Variants in GOLGA4 observed in about 807,000 individuals in gnomAD.
The protein encoded by GOLGA4 is golgin A4.
GOLGA4 carries 169 observed loss-of-function variants against 265.9 expected under a neutral mutation model. The observed-to-expected ratio is 0.64, with a 90% CI of 0.56 to 0.72. The LOEUF is 0.72. Ranked by LOEUF, GOLGA4 falls within the 30% of genes least tolerant of loss-of-function variation. The probability of loss-of-function intolerance (pLI) is 0.00; values close to 1 mark genes in which losing one functional copy is unlikely to be tolerated. For missense variants in GOLGA4, 2,482 were observed against 2,483.4 expected (o/e 1.00, Z 0.01); for synonymous variants, 923 against 855.8 (o/e 1.08, Z -1.37).
chr3:37,319,080 A>G lies in GOLGA4; in HGVS notation c.1431A>G (p.Gln477=). 6.3e-7 allele frequency: 1 copy of G among 1,597,048 alleles called. No homozygotes were observed. The change falls in exon 12 of 24, where the codon CAA becomes CAG. Residue 477 remains glutamine (Q), a synonymous_variant. Transcript: ENST00000361924. The part of the protein sequence containing the change: ...VDVMKKSSEE[Q]IAKLQKLHEK... ...ATTTTCAGAAATCCTCAGAAGAACA[A>G]ATTGCTAAGCTACAGAAGCTTCATG...
intron 20 of GOLGA4, among the ~76,000 whole-genome samples, chr3:37,344,015 A>T (rs753773185): frequency 6.6e-6 from 1 of 152,208 alleles, no homozygotes; most frequent in Non-Finnish European, 1.5e-5. Context: ...TTCTTCTATA[A>T]ATAGGAACTT....
At chr3:37,299,405 T>C in intron 9 of GOLGA4, 34 bp downstream of exon 9, 1 of 1,306,150 alleles carries the variant, frequency 7.7e-7, no homozygotes, top group Non-Finnish European at 1.1e-6. Context: ...CTAAAATTTG[T>C]CAAGAGGCCC....
Position 37,327,431 on chromosome 3 carries a change from T to A in GOLGA4, c.5545T>A (p.Cys1849Ser), listed in dbSNP as rs761542062. The A allele has an allele frequency of 8.9e-5, 143 of 1,613,082 alleles. 2 individuals are homozygous for A. In the South Asian group the frequency reaches 1.5e-3, roughly 17 times the overall value. The change falls in exon 14 of 24, where the codon TGT (cysteine) becomes AGT (serine). Residue 1849 changes from cysteine (C) to serine (S), a missense_variant. Physicochemically the swap from Cys to Ser is moderately radical, Grantham distance 112. Coordinates refer to ENST00000361924, the MANE Select transcript of GOLGA4 (RefSeq NM_002078.5). The stretch of plus-strand genomic sequence containing the variant: ...AACCCTCCAGGAGAAGGAACTAACC[T>A]GTCAGATTTTGGAGCAAAAGATAAA... Reference protein sequence around the residue: ...QKTLQEKELTCQILEQKIKEL... With the variant: ...QKTLQEKELTSQILEQKIKEL...
chr3:37,315,827 G>A (rs2096936098), intron 11 of GOLGA4, among the ~76,000 whole-genome samples: 1 of 152,138 alleles, frequency 6.6e-6, no homozygotes, highest in South Asian at 2.1e-4. Context: ...TATAAACTGA[G>A]ATGTGCCTTA....
chr3:37,260,387 C>T (rs758442243), intron 2 of GOLGA4, among the ~76,000 whole-genome samples: 1 of 150,444 alleles, frequency 6.6e-6, no homozygotes, highest in African/African-American at 2.4e-5. Flanking sequence ...CTAGGAAGGC[C>T]GAGTAGGGTG....
In GOLGA4 at chr3:37,347,274, A is replaced by G. The variant is rs781707818; in HGVS notation, c.6554A>G (p.Tyr2185Cys). Reference protein sequence around the residue: ...FEYLRKVLFEYMMGRETKTMA... With the variant: ...FEYLRKVLFECMMGRETKTMA... ...TATTTGCGAAAAGTGCTTTTTGAGT[A>G]TATGATGGGTCGTGAGACTAAGGTA... Residue 2185 changes from tyrosine to cysteine, a missense_variant, in exon 21 of 24, where the codon TAT becomes TGT. Tyr to Cys is a radical substitution (Grantham distance 194). Coordinates refer to ENST00000361924, the MANE Select transcript of GOLGA4 (RefSeq NM_002078.5). 3.7e-6 allele frequency: 6 copies of G among 1,602,564 alleles called. No homozygotes were observed. The highest frequency in any genetic ancestry group is 4.3e-6 in the Non-Finnish European group (5 of 1,169,724).
At position 37,294,960 on chromosome 3, in the gene GOLGA4, A is replaced by G; in HGVS notation, c.583-19A>G. On this transcript the variant is annotated intron_variant, in intron 5 of 23. Transcript: ENST00000361924. ...TTGTTTTATACTGAAAATTACCTGT[A>G]AATCATTTTATGTTTTAGGAGCTCC... The G allele has an allele frequency of 6.6e-7, 1 of 1,524,614 alleles. No individual in the cohort carries two copies. The highest frequency in any genetic ancestry group is 8.9e-7 in the Non-Finnish European group (1 of 1,119,282). 94.4% of individuals were successfully genotyped at this position (1,524,614 alleles called of 1,614,324 possible). A position where few individuals can be genotyped will look rare whatever the true frequency, so the allele number is the denominator to read the frequency against.
intron 9 of GOLGA4, among the ~76,000 whole-genome samples, chr3:37,301,827 C>T (rs2096893497): frequency 6.6e-6 from 1 of 151,912 alleles, no homozygotes; most frequent in Admixed American, 6.6e-5. Context: ...CTCACTCTGT[C>T]ACCCAGGCTG....
rs1001940130 is a variant in GOLGA4 at position 37,310,535 on chromosome 3, A to G, written c.1235-4885A>G. Among the ~76,000 whole-genome samples the G allele has an allele frequency of 8.5e-5, 13 of 152,300 alleles. No homozygotes were observed. In the South Asian group the frequency reaches 1.0e-3, roughly 12 times the overall value. On this transcript the variant is annotated intron_variant, in intron 10 of 23. Transcript: ENST00000361924. ...TGGATTATTGAGCTACAGATTGTCA[A>G]CCTTTCTCATTTAACCCTTATAGAG...
intron 2 of GOLGA4, among the ~76,000 whole-genome samples, chr3:37,255,740 T>TA (rs775287913): frequency 1.2e-4 from 14 of 118,120 alleles, no homozygotes; most frequent in African/African-American, 2.0e-4. Flanking sequence ...CATTTTCTTT[T>TA]AAAAAAAAGC....
At chr3:37,272,220 G>A (rs115580913) in intron 2 of GOLGA4, among the ~76,000 whole-genome samples, 2,367 of 152,140 alleles carry the variant, frequency 0.016, 60 homozygotes, top group African/African-American at 0.052. Flanking sequence ...CATGAAACCC[G>A]TCCCTGGTGC....
rs1046498226 is a variant in GOLGA4, at chr3:37,304,765, A to G, written c.1234+2433A>G. Among the ~76,000 whole-genome samples, 3 of 152,324 alleles carry G rather than the reference A, an allele frequency of 2.0e-5. No homozygotes were observed. In the East Asian group the frequency reaches 5.8e-4, roughly 29 times the overall value. ...ACATGCGGATAAAATTTTCTGGTAT[A>G]TGTTCCAGTTAAACCTTTAGTAGAA... On this transcript the variant is annotated intron_variant, in intron 10 of 23. Coordinates refer to ENST00000361924, the MANE Select transcript of GOLGA4 (RefSeq NM_002078.5).
Position 37,295,039 on chromosome 3 carries a change from G to A in GOLGA4, c.643G>A (p.Glu215Lys). 1.2e-6 allele frequency: 2 copies of A among 1,608,238 alleles called. No homozygotes were observed. Among genetic ancestry groups the A allele is most frequent in the South Asian group, 2.2e-5 (2 of 90,546 alleles). The change falls in exon 6 of 24, where the codon GAG (glutamate) becomes AAG (lysine). Residue 215 changes from glutamate (E) to lysine (K), a missense_variant. Glu to Lys is a moderately conservative substitution (Grantham distance 56, BLOSUM62 1). Transcript: ENST00000361924. ...HLQEEFDASL[E>K]EKDQYISVLQ... is the part of the protein sequence containing the mutation. ...GCAAGAGGAGTTTGATGCATCTTTA[G>A]AGGAGAAAGATCAGTATATCAGTGT...
In GOLGA4 at chr3:37,355,147, A is replaced by T. The variant is rs1395347920; in HGVS notation, c.6623A>T (p.Gln2208Leu). The change falls in exon 22 of 24, where the codon CAG (glutamine) becomes CTG (leucine). Residue 2208 changes from glutamine to leucine, a missense_variant. By Grantham distance (113) the Gln-to-Leu change is moderately radical. This residue lies in a region of GOLGA4 where 942 missense variants were observed against 983.1 expected (regional missense o/e 0.96). Coordinates refer to ENST00000361924, the MANE Select transcript of GOLGA4 (RefSeq NM_002078.5). The stretch of plus-strand genomic sequence containing the variant: ...ACCGTACTGAAGTTCCCTGATGATC[A>T]GACTCAGAAAATTTTGGAAAGAGAA... ...ITTVLKFPDD[Q>L]TQKILEREDA... The T allele has an allele frequency of 6.2e-7, 1 of 1,609,394 alleles. No homozygotes were observed. The highest frequency in any genetic ancestry group is 1.1e-5 in the South Asian group (1 of 90,982).
chr3:37,345,984 T>G (rs527854271), intron 20 of GOLGA4, among the ~76,000 whole-genome samples: 1 of 152,212 alleles, frequency 6.6e-6, no homozygotes, highest in African/African-American at 2.4e-5. Flanking sequence ...TTAATAAAAT[T>G]GCTTATTTTC....
Position 37,289,247 on chromosome 3 carries a change from C to T in GOLGA4, c.538C>T (p.Gln180Ter). Residue 180 changes from glutamine (Q) to a stop codon, truncating the protein, a stop_gained, in exon 5 of 24, where the codon CAG becomes TAG. Coordinates refer to ENST00000361924, the MANE Select transcript of GOLGA4 (RefSeq NM_002078.5). LOFTEE classifies it high-confidence loss of function. ...CTCTCAATTAAAGGGTATATTAAGT[C>T]AGAGTCAGGATAAATCACTTCGGAG... ...EKKKLQGILS[Q>*]SQDKSLRRIA... 1.3e-6 allele frequency: 2 copies of T among 1,590,868 alleles called. No homozygotes were observed. Among genetic ancestry groups the T allele is most frequent in the Non-Finnish European group, 1.7e-6 (2 of 1,162,068 alleles).
rs1452791905 is a variant in GOLGA4 at position 37,295,001 on chromosome 3, C to G, written c.605C>G (p.Ala202Gly). 1.2e-6 allele frequency: 2 copies of G among 1,608,680 alleles called. No homozygotes were observed. The highest frequency in any genetic ancestry group is 2.7e-5 in the African/African-American group (2 of 74,730). Residue 202 changes from alanine to glycine, a missense_variant, in exon 6 of 24, where the codon GCA (alanine) becomes GGA (glycine). Transcript: ENST00000361924. ...TAGGAGCTCCAAATGGACCAGCAGG[C>G]AAAGAAACATCTGCAAGAGGAGTTT... ...LREELQMDQQ[A>G]KKHLQEEFDA...
At chr3:37,264,733 G>T (rs2096779016) in intron 2 of GOLGA4, among the ~76,000 whole-genome samples, 1 of 152,004 alleles carries the variant, frequency 6.6e-6, no homozygotes. Flanking sequence ...TTTGGAGGCA[G>T]GATCTCACTC....
intron 19 of GOLGA4, among the ~76,000 whole-genome samples, chr3:37,339,084 G>A (rs888473679): frequency 1.3e-5 from 2 of 151,910 alleles, no homozygotes; most frequent in African/African-American, 4.8e-5. Context: ...GGATGGTTTC[G>A]ATCTCCTGAC....
Sources: gnomAD v4.1 joint callset for allele counts (sites outside exome capture counted in the v4.1 genomes callset) on GRCh38, gnomAD v4.1.1 for gene constraint, gnomAD v4.1.1 regional missense constraint, MANE v1.5 for transcripts, NCBI Gene and HGNC (gene_info 2026-07-23, HGNC 2026-07-21) for gene names.